ARID3A: variants seen among roughly 807,000 people sequenced by gnomAD.
ARID3A encodes the protein AT-rich interaction domain 3A.
In ARID3A, 11 loss-of-function variants were observed where a neutral mutation model predicts 52.7. The ratio of observed to expected loss-of-function variants is 0.21; its 90% CI spans 0.13 to 0.35. The LOEUF (loss-of-function observed/expected upper bound fraction) is 0.35, where lower values mean the gene tolerates loss of function less well. Ranked by LOEUF, ARID3A falls within the 10% of genes least tolerant of loss-of-function variation. The pLI, the probability that ARID3A is intolerant of heterozygous loss-of-function variation, is 1.00. For synonymous variants in ARID3A, 404 were observed against 359.4 expected, an observed-to-expected ratio of 1.12 and a Z score of -1.40; for missense variants, 721 against 838.5, an observed-to-expected ratio of 0.86 and a Z score of 1.73.
rs570056714 is a variant in ARID3A, at chr19:936,413, G to A, written c.693+3671G>A. ...ACAAAAATTAGCTGAGTGTGGTGGC[G>A]CACACCTGTAGTCCCAGCTACTTGG... On this transcript the variant is annotated intron_variant, in intron 3 of 8. Coordinates refer to ENST00000263620, the MANE Select transcript of ARID3A (RefSeq NM_005224.3). Among the ~76,000 whole-genome samples, 12 of 152,226 alleles carry A rather than the reference G, an allele frequency of 7.9e-5. 1 individual carries two copies. The South Asian group carries it at 2.5e-3, about 32-fold the overall frequency.
chr19:962,762 G>A (rs1035881044), intron 4 of ARID3A, among the ~76,000 whole-genome samples: 48 of 152,056 alleles, frequency 3.2e-4, no homozygotes, highest in Non-Finnish European at 3.2e-4. Context: ...TGATCCGCCC[G>A]CCTCAGCCTC....
chr19:952,663 C>T (rs1164012269), intron 3 of ARID3A, among the ~76,000 whole-genome samples: 1 of 152,154 alleles, frequency 6.6e-6, no homozygotes, highest in Non-Finnish European at 1.5e-5. Context: ...TGACCAGGTG[C>T]CTCCCAGCTC....
chr19:964,532 GA>G lies in ARID3A; in HGVS notation c.950+102del, dbSNP rs1407352975. On this transcript the variant is annotated intron_variant, in intron 5 of 8. Transcript: ENST00000263620. This position sits in a 1 kb window ranked among gnomAD's most constrained non-coding sequence, Gnocchi z 5.7. Reference sequence around the variant, plus strand: ...GAGGGGGTGGTGGGCAGCTGCAGAGGAGGGGGCAGTGGGCAGCCGCAAAGGG... The same window carrying G: ...GAGGGGGTGGTGGGCAGCTGCAGAGGGGGGGCAGTGGGCAGCCGCAAAGGG... The G allele has an allele frequency of 1.4e-6, 2 of 1,431,748 alleles. No homozygotes were observed. The highest frequency in any genetic ancestry group is 2.8e-5 in the African/African-American group (2 of 70,616). The allele number at this position is 1,431,748 out of a possible 1,614,324, so 88.7% of individuals were successfully genotyped here.
In ARID3A at chr19:960,921, G is replaced by C. The variant is rs2038027129; in HGVS notation, c.766+757G>C. Among the ~76,000 whole-genome samples, 1 of 152,192 alleles carries C rather than the reference G, an allele frequency of 6.6e-6. No individual in the cohort carries two copies. The highest frequency in any genetic ancestry group is 2.4e-5 in the African/African-American group (1 of 41,442). ...AGACAGACTCAGACGACCAAGGGTAGCCGGGGTGTCCCAGCGGCCATTCCC... is the reference window on the plus strand; with the variant it reads ...AGACAGACTCAGACGACCAAGGGTACCCGGGGTGTCCCAGCGGCCATTCCC... On this transcript the variant is annotated intron_variant, in intron 4 of 8. Coordinates refer to ENST00000263620, the MANE Select transcript of ARID3A (RefSeq NM_005224.3). The surrounding 1 kb of genome is among the most constrained non-coding windows in gnomAD (Gnocchi z 4.3).
intron 3 of ARID3A, among the ~76,000 whole-genome samples, chr19:935,177 G>A (rs370930975): frequency 2.0e-5 from 3 of 152,200 alleles, no homozygotes; most frequent in East Asian, 1.9e-4. Flanking sequence ...GGCAGGGCTC[G>A]GGGCTAACTT....
chr19:957,483 G>A (rs2037946923), intron 3 of ARID3A, among the ~76,000 whole-genome samples: 2 of 152,208 alleles, frequency 1.3e-5, no homozygotes, highest in Admixed American at 1.3e-4. Flanking sequence ...AGGCATGCTG[G>A]TGAATTTTTG....
In ARID3A at chr19:958,469, G is replaced by A. The variant is rs1054152519; in HGVS notation, c.694-1623G>A. 2.6e-5 allele frequency among the ~76,000 whole-genome samples: 4 copies of A among 151,848 alleles called. No individual in the cohort carries two copies. The East Asian group carries it at 7.8e-4, about 29-fold the overall frequency. On this transcript the variant is annotated intron_variant, in intron 3 of 8. Coordinates refer to ENST00000263620, the MANE Select transcript of ARID3A (RefSeq NM_005224.3). The stretch of plus-strand genomic sequence containing the variant: ...AAGAAGAAAGAAAAAGAAAAGAAGA[G>A]GACAGGTTCAAGCACTGGATTCCCA...
chr19:926,886 C>T (rs1420973044), intron 1 of ARID3A, among the ~76,000 whole-genome samples: 1 of 152,052 alleles, frequency 6.6e-6, no homozygotes, highest in African/African-American at 2.4e-5. Context: ...GAGGGGTTCC[C>T]CCCCCCATGC....
At chr19:962,527 T>A (rs146636945) in intron 4 of ARID3A, among the ~76,000 whole-genome samples, 5,005 of 150,158 alleles carry the variant, frequency 0.033, 293 homozygotes, top group African/African-American at 0.11. Flanking sequence ...TTTTTTTTTT[T>A]TTTTGAGACA....
At chr19:958,833 C>T (rs563347592) in intron 3 of ARID3A, among the ~76,000 whole-genome samples, 10 of 152,028 alleles carry the variant, frequency 6.6e-5, no homozygotes, top group Admixed American at 1.3e-4. Flanking sequence ...GCGGAGGTTG[C>T]GGTGAGCCGA....
At chr19:963,974 G>C (rs2038095024) in intron 4 of ARID3A, among the ~76,000 whole-genome samples, 1 of 152,210 alleles carries the variant, frequency 6.6e-6, no homozygotes. Flanking sequence ...CCTCCTCTCA[G>C]TAACCCTCCT....
At chr19:933,065 T>G (rs903240395) in intron 3 of ARID3A, among the ~76,000 whole-genome samples, 1 of 152,024 alleles carries the variant, frequency 6.6e-6, no homozygotes, top group Non-Finnish European at 1.5e-5. Flanking sequence ...CGGCCCGAGC[T>G]GGGCTTGGGT....
chr19:933,498 G>A (rs979934559), intron 3 of ARID3A, among the ~76,000 whole-genome samples: 2 of 152,204 alleles, frequency 1.3e-5, no homozygotes, highest in Admixed American at 6.5e-5. Context: ...ACCTCTGGGC[G>A]CGGCTGGGGG....
At position 973,644 on chromosome 19, in the gene ARID3A, C is replaced by A; in HGVS notation, c.*1579C>A. ...TTTCAGGGCCCCGGCATCCTGAACA[C>A]CCCCCACACCCCAACATTCTCCTCG... On this transcript the variant is annotated 3_prime_UTR_variant, in exon 9 of 9. Coordinates refer to ENST00000263620, the MANE Select transcript of ARID3A (RefSeq NM_005224.3). 4.5e-6 allele frequency: 1 copy of A among 224,702 alleles called. No individual in the cohort carries two copies. Among genetic ancestry groups the A allele is most frequent in the Non-Finnish European group, 8.9e-6 (1 of 112,650 alleles). 13.9% of individuals were successfully genotyped at this position (224,702 alleles called of 1,614,324 possible).
rs1439309357 is a variant in ARID3A, at chr19:942,298, C to A, written c.693+9556C>A. On this transcript the variant is annotated intron_variant, in intron 3 of 8. Coordinates refer to ENST00000263620, the MANE Select transcript of ARID3A (RefSeq NM_005224.3). This position sits in a 1 kb window ranked among gnomAD's most constrained non-coding sequence, Gnocchi z 8.1. ...TGGCCCAAATTACCTGACTGTCGAT[C>A]CTGACTGGGGCGGTGGCGACATGGC... Among the ~76,000 whole-genome samples, 1 of 152,226 alleles carries A rather than the reference C, an allele frequency of 6.6e-6. No individual in the cohort carries two copies. The highest frequency in any genetic ancestry group is 1.5e-5 in the Non-Finnish European group (1 of 68,028).
chr19:954,683 C>T (rs1268887908), intron 3 of ARID3A, among the ~76,000 whole-genome samples: 5 of 152,110 alleles, frequency 3.3e-5, no homozygotes, highest in Non-Finnish European at 5.9e-5. Context: ...AGAGCATCTG[C>T]GGAGGTGATA....
At position 929,835 on chromosome 19, in the gene ARID3A, G is replaced by A. The variant is rs756833434; in HGVS notation, c.307G>A (p.Gly103Arg). The change falls in exon 2 of 9, where the codon GGG (glycine) becomes AGG (arginine). Residue 103 changes from glycine (G) to arginine (R), a missense_variant. Gly to Arg is a moderately radical substitution (Grantham distance 125). Around this residue, in one of 5 missense-constraint regions of ARID3A, gnomAD observed 349 missense variants for 297.3 expected, o/e 1.17. Transcript: ENST00000263620. This position sits in a 1 kb window ranked among gnomAD's most constrained non-coding sequence, Gnocchi z 6.2. ...CCGGGAGGGGACACCGGGCTCACCC[G>A]GGCGAGGCAGAGAAGGGCCAGGAGA... ...AAREGTPGSP[G>R]RGREGPGEEH... 49 of 1,545,038 alleles carry A rather than the reference G, an allele frequency of 3.2e-5. No individual in the cohort carries two copies. The Middle Eastern group carries it at 5.0e-4, about 16-fold the overall frequency.
Position 974,558 on chromosome 19 carries a change from T to G in ARID3A, c.*2493T>G, listed in dbSNP as rs1255567098. Reference sequence around the variant, plus strand: ...AGGTCTGACTTTTGATGCCAAAATCTGAGCCCCTGGGGTGCCTCTCCCCCG... The same window carrying G: ...AGGTCTGACTTTTGATGCCAAAATCGGAGCCCCTGGGGTGCCTCTCCCCCG... On this transcript the variant is annotated 3_prime_UTR_variant, in exon 9 of 9. Coordinates refer to ENST00000263620, the MANE Select transcript of ARID3A (RefSeq NM_005224.3). 4.4e-6 allele frequency: 1 copy of G among 229,884 alleles called. No individual in the cohort carries two copies. Among genetic ancestry groups the G allele is most frequent in the Non-Finnish European group, 8.6e-6 (1 of 116,044 alleles). The allele number at this position is 229,884 out of a possible 1,614,324, so 14.2% of individuals were successfully genotyped here.
chr19:972,512 C>T lies in ARID3A; in HGVS notation c.*447C>T, dbSNP rs1251889584. The T allele has an allele frequency of 1.4e-5, 3 of 216,036 alleles. No homozygotes were observed. Among genetic ancestry groups the T allele is most frequent in the Non-Finnish European group, 2.8e-5 (3 of 107,138 alleles). The allele number at this position is 216,036 out of a possible 1,614,324, so 13.4% of individuals were successfully genotyped here. A position where few individuals can be genotyped will look rare whatever the true frequency, so the allele number is the denominator to read the frequency against. ...CACTGTGTGTTTTCATTTTTGTCTG[C>T]TTTAGTTCTCTTTTATTTTCTATTC... On this transcript the variant is annotated 3_prime_UTR_variant, in exon 9 of 9. Transcript: ENST00000263620.
Sources: allele counts gnomAD v4.1 joint callset (sites outside exome capture counted in the v4.1 genomes callset), GRCh38; gene constraint gnomAD v4.1.1; regional missense constraint gnomAD v4.1.1; non-coding constraint Gnocchi (gnomAD v3.1); transcripts MANE v1.5; gene names NCBI Gene and HGNC (gene_info 2026-07-23, HGNC 2026-07-21).